Variants in C12orf42 observed in about 807,000 individuals in gnomAD.
C12orf42 encodes uncharacterized protein C12orf42.
A neutral mutation model predicts 21.6 loss-of-function variants in C12orf42; 25 were observed. The observed-to-expected ratio is 1.16, with a 90% CI of 0.84 to 1.62. C12orf42 has a LOEUF of 1.62. Among genes scored for constraint, C12orf42 ranks in the 40% most tolerant of loss-of-function variants. The pLI, the probability that C12orf42 is intolerant of heterozygous loss-of-function variation, is 0.00. For synonymous variants in C12orf42, 174 were observed against 175.0 expected (o/e 0.99, Z 0.05); for missense variants, 483 against 459.3 (o/e 1.05, Z -0.47).
At chr12:103,451,318 C>T (rs1409220175) in intron 2 of C12orf42, among the ~76,000 whole-genome samples, 1 of 151,986 alleles carries the variant, frequency 6.6e-6, no homozygotes, top group Non-Finnish European at 1.5e-5. Context: ...CCTCAACCTC[C>T]TAGCCTCAAG....
At chr12:103,458,936 C>A (rs2374078) in intron 2 of C12orf42, among the ~76,000 whole-genome samples, 89,583 of 149,460 alleles carry the variant, frequency 0.6, 28,314 homozygotes, top group Admixed American at 0.72. Context: ...AAGTAGACAC[C>A]AAGATGTATT....
intron 4 of C12orf42, among the ~76,000 whole-genome samples, chr12:103,288,582 T>C (rs544908246): frequency 7.2e-5 from 11 of 152,350 alleles, no homozygotes; most frequent in African/African-American, 2.6e-4. Context: ...AAAACACAGA[T>C]GTTATATTCC....
At chr12:103,089,172 T>C in the C12orf42 span, among the ~76,000 whole-genome samples, 1 of 150,566 alleles carries the variant, frequency 6.6e-6, no homozygotes, top group Non-Finnish European at 1.5e-5. Context: ...AGACAGATCT[T>C]TTGGCCCTAA....
chr12:103,235,772 TA>T (rs1221372279), downstream of C12orf42, among the ~76,000 whole-genome samples: 1 of 152,170 alleles, frequency 6.6e-6, no homozygotes, highest in Non-Finnish European at 1.5e-5. Context: ...ACCACTGTAT[TA>T]ATATTGTGCT....
intron 3 of C12orf42, among the ~76,000 whole-genome samples, chr12:103,383,978 G>A (rs2046388851): frequency 6.6e-6 from 1 of 152,092 alleles, no homozygotes; most frequent in Admixed American, 6.5e-5. Flanking sequence ...AGAGCCACAG[G>A]GCAGAAAGAA....
At chr12:103,109,132 T>C in the C12orf42 span, among the ~76,000 whole-genome samples, 1 of 152,202 alleles carries the variant, frequency 6.6e-6, no homozygotes, top group South Asian at 2.1e-4. Flanking sequence ...GGGCCAAGAA[T>C]GATCAACAAA....
Position 103,302,244 on chromosome 12 carries a change from G to T in C12orf42, c.947C>A (p.Ala316Asp). The change falls in exon 6 of 6, where the codon GCC becomes GAC. Residue 316 changes from alanine (A) to aspartate (D), a missense_variant. Ala to Asp is a moderately radical substitution (Grantham distance 126). Transcript: ENST00000548883. ...GGAGGGGAAATGGGTGGAAGCACCGGCCAGCAGAGGAAGGGGCGCTCCTGC... is the reference window on the plus strand; with the variant it reads ...GGAGGGGAAATGGGTGGAAGCACCGTCCAGCAGAGGAAGGGGCGCTCCTGC... ...NLAGAPLPLLAGASTHFPSKR... is the reference protein window; with the variant it reads ...NLAGAPLPLLDGASTHFPSKR... 1 of 1,612,038 alleles carries T rather than the reference G, an allele frequency of 6.2e-7. No individual in the cohort carries two copies. Among genetic ancestry groups the T allele is most frequent in the South Asian group, 1.1e-5 (1 of 90,842 alleles).
At chr12:103,310,916 C>T (rs1483732739) in intron 4 of C12orf42, among the ~76,000 whole-genome samples, 1 of 152,156 alleles carries the variant, frequency 6.6e-6, no homozygotes, top group Admixed American at 6.5e-5. Flanking sequence ...AACACTAGAA[C>T]CAATAGCATT....
chr12:103,461,448 GAA>G (rs928007154), intron 2 of C12orf42, among the ~76,000 whole-genome samples: 3 of 150,596 alleles, frequency 2.0e-5, no homozygotes, highest in African/African-American at 2.4e-5. Context: ...TTTCTGATGA[GAA>G]AAAAAAATGT....
intron 2 of C12orf42, among the ~76,000 whole-genome samples, chr12:103,402,869 G>A (rs954532122): frequency 1.3e-5 from 2 of 152,164 alleles, no homozygotes; most frequent in African/African-American, 4.8e-5. Flanking sequence ...ACTAGAATCT[G>A]GAGTAAATAA....
chr12:103,339,523 T>C (rs1425618431), intron 4 of C12orf42, among the ~76,000 whole-genome samples: 1 of 152,154 alleles, frequency 6.6e-6, no homozygotes, highest in African/African-American at 2.4e-5. Flanking sequence ...CATAAAAAAG[T>C]GGACAAAGGA....
At chr12:103,219,041 C>T in the C12orf42 span, among the ~76,000 whole-genome samples, 3 of 152,122 alleles carry the variant, frequency 2.0e-5, no homozygotes, top group African/African-American at 7.2e-5. Flanking sequence ...ATCCCAGTGG[C>T]ACCTGGAATG....
the C12orf42 span, among the ~76,000 whole-genome samples, chr12:103,112,347 A>C: frequency 6.6e-6 from 1 of 152,202 alleles, no homozygotes; most frequent in Non-Finnish European, 1.5e-5. Context: ...ATAGGTGGTC[A>C]GATTATTCCC....
the C12orf42 span, among the ~76,000 whole-genome samples, chr12:103,163,219 G>C: frequency 2.0e-5 from 3 of 152,278 alleles, no homozygotes; most frequent in East Asian, 5.8e-4. Flanking sequence ...GGGCTTCAAG[G>C]AACTGATCTC....
At chr12:103,261,190 G>A (rs1319931076) in intron 10 of C12orf42, among the ~76,000 whole-genome samples, 1 of 151,940 alleles carries the variant, frequency 6.6e-6, no homozygotes, top group Non-Finnish European at 1.5e-5. Flanking sequence ...AATGTATGGG[G>A]CCAGATGCAG....
At chr12:103,148,604 G>A in the C12orf42 span, among the ~76,000 whole-genome samples, 2 of 151,366 alleles carry the variant, frequency 1.3e-5, no homozygotes, top group African/African-American at 4.9e-5. Context: ...GCTAGCAGAT[G>A]TAAATCATAG....
intron 10 of C12orf42, among the ~76,000 whole-genome samples, chr12:103,240,375 C>T (rs1233895261): frequency 1.3e-5 from 2 of 152,192 alleles, no homozygotes; most frequent in African/African-American, 2.4e-5. Flanking sequence ...TGTCATCACC[C>T]TTAGTAAATG....
At chr12:103,087,710 C>T in the C12orf42 span, among the ~76,000 whole-genome samples, 4 of 152,110 alleles carry the variant, frequency 2.6e-5, no homozygotes, top group East Asian at 1.9e-4. Context: ...ATTTTTATGA[C>T]CATTTTTTAA....
chr12:103,388,913 A>C (rs1268022821), intron 3 of C12orf42, among the ~76,000 whole-genome samples: 4 of 152,196 alleles, frequency 2.6e-5, no homozygotes, highest in Non-Finnish European at 5.9e-5. Flanking sequence ...GTTGGGACCA[A>C]AGATTCTGGG....
Sources: allele counts gnomAD v4.1 joint callset (sites outside exome capture counted in the v4.1 genomes callset), GRCh38; gene constraint gnomAD v4.1.1; transcripts MANE v1.5; gene names NCBI Gene and HGNC (gene_info 2026-07-23, HGNC 2026-07-21).